MAST2: variants seen among roughly 807,000 people sequenced by gnomAD.
MAST2 encodes the protein microtubule associated serine/threonine kinase 2, also known as microtubule-associated serine/threonine-protein kinase 2.
A neutral mutation model predicts 147.4 loss-of-function variants in MAST2; 70 were observed. The observed-to-expected ratio is 0.47, with a 90% CI of 0.39 to 0.58. The LOEUF is 0.58. Among genes scored for constraint, MAST2 ranks in the 20% least tolerant of loss-of-function variants. MAST2 has a pLI of 0.00. For synonymous variants in MAST2, 869 were observed against 896.8 expected (o/e 0.97, Z 0.55); for missense variants, 2,080 against 2,302.3 (o/e 0.90, Z 1.98).
chr1:45,917,020 G>T (rs576079212), intron 4 of MAST2, among the ~76,000 whole-genome samples: 66 of 152,352 alleles, frequency 4.3e-4, no homozygotes, highest in Admixed American at 4.3e-3. Flanking sequence ...AGAGGTTGCA[G>T]TGAGCCAAGA....
In MAST2 at chr1:46,034,046, C is replaced by T. The variant is rs776578291; in HGVS notation, c.3675-27C>T. On this transcript the variant is annotated intron_variant, in intron 27 of 28. Transcript: ENST00000361297. ...GTGTGTGCTGTGCTCACTGCACCGA[C>T]TCAGCCTTTGACCCTTATCCCCGCA... 5 of 1,609,228 alleles carry T rather than the reference C, an allele frequency of 3.1e-6. No individual in the cohort carries two copies. The South Asian group carries it at 4.4e-5, about 14-fold the overall frequency.
chr1:45,893,657 TTC>T (rs1648240559), intron 4 of MAST2, among the ~76,000 whole-genome samples: 1 of 151,312 alleles, frequency 6.6e-6, no homozygotes, highest in African/African-American at 2.4e-5. Flanking sequence ...TCTGGCAGAG[TTC>T]TGTCAGGACT....
At chr1:45,855,750 A>T (rs1326542713) in intron 3 of MAST2, among the ~76,000 whole-genome samples, 1 of 152,094 alleles carries the variant, frequency 6.6e-6, no homozygotes, top group Non-Finnish European at 1.5e-5. Context: ...TTTCTTGTAG[A>T]TTGAGCATTT....
chr1:45,976,828 C>A (rs186994676), intron 5 of MAST2, among the ~76,000 whole-genome samples: 3 of 152,072 alleles, frequency 2.0e-5, no homozygotes, highest in African/African-American at 7.2e-5. Flanking sequence ...TCTTCAGATT[C>A]CCTGAGTGAT....
At chr1:45,882,013 A>T (rs1290394601) in intron 3 of MAST2, among the ~76,000 whole-genome samples, 7 of 26,492 alleles carry the variant, frequency 2.6e-4, no homozygotes, top group Admixed American at 5.4e-4. Context: ...CGTCTCTACT[A>T]AAAAAAAAAA....
chr1:45,986,138 C>T (rs1308590377), intron 5 of MAST2, among the ~76,000 whole-genome samples: 1 of 152,172 alleles, frequency 6.6e-6, no homozygotes, highest in African/African-American at 2.4e-5. Context: ...TTTGTCTTTA[C>T]TATTAACTGT....
chr1:45,867,174 A>G (rs1209129916), intron 3 of MAST2, among the ~76,000 whole-genome samples: 1 of 152,266 alleles, frequency 6.6e-6, no homozygotes, highest in African/African-American at 2.4e-5. Flanking sequence ...AAATAGTTAC[A>G]TTATAATATA....
chr1:45,967,326 T>C (rs902308888), intron 5 of MAST2, among the ~76,000 whole-genome samples: 10 of 152,068 alleles, frequency 6.6e-5, no homozygotes, highest in African/African-American at 2.4e-4. Flanking sequence ...TGGCTCAGCC[T>C]ACCAAAGTGC....
At chr1:45,997,260 C>T (rs185655279) in intron 5 of MAST2, among the ~76,000 whole-genome samples, 223 of 152,250 alleles carry the variant, frequency 1.5e-3, no homozygotes, top group Non-Finnish European at 2.4e-3. Flanking sequence ...TTCTCTTTCC[C>T]CTTAAAACAC....
At chr1:45,883,869 T>G (rs1308911310) in intron 4 of MAST2, among the ~76,000 whole-genome samples, 2 of 121,266 alleles carry the variant, frequency 1.6e-5, no homozygotes, top group Non-Finnish European at 3.3e-5. Flanking sequence ...TTCAGCATCA[T>G]AGTCAGGAAA....
At chr1:45,982,559 C>T (rs1644453865) in intron 5 of MAST2, among the ~76,000 whole-genome samples, 1 of 152,216 alleles carries the variant, frequency 6.6e-6, no homozygotes, top group Non-Finnish European at 1.5e-5. Context: ...GGGTGACACT[C>T]CCGGATTCCA....
intron 4 of MAST2, among the ~76,000 whole-genome samples, chr1:45,931,382 T>TTTG (rs1655274932): frequency 6.8e-6 from 1 of 146,282 alleles, no homozygotes; most frequent in Non-Finnish European, 1.5e-5. Flanking sequence ...GTTCTGTTTT[T>TTTG]TTTTTTTTTT....
Position 46,028,887 on chromosome 1 carries a change from T to C in MAST2, c.2172T>C (p.Pro724=). ...ILYEFLVGCV[P]FFGDTPEELF... ...ATGAGTTCCTGGTGGGCTGCGTCCCTTTTTTTGGAGATACTCCGGAGGAGC... is the reference window on the plus strand; with the variant it reads ...ATGAGTTCCTGGTGGGCTGCGTCCCCTTTTTTGGAGATACTCCGGAGGAGC... Residue 724 remains proline, a synonymous_variant, in exon 18 of 29, where the codon CCT becomes CCC. Transcript: ENST00000361297. 6.2e-7 allele frequency: 1 copy of C among 1,609,564 alleles called. No individual in the cohort carries two copies. The highest frequency in any genetic ancestry group is 8.5e-7 in the Non-Finnish European group (1 of 1,178,104).
chr1:45,820,090 A>G (rs1644574356), intron 1 of MAST2, among the ~76,000 whole-genome samples: 1 of 152,230 alleles, frequency 6.6e-6, no homozygotes, highest in East Asian at 1.9e-4. Flanking sequence ...ATACTTTGGT[A>G]AAAGGACAGT....
At position 45,986,716 on chromosome 1, in the gene MAST2, CA is replaced by C. The variant is rs201589013; in HGVS notation, c.593-10987del. Among the ~76,000 whole-genome samples, 1,187 of 120,060 alleles carry C rather than the reference CA, an allele frequency of 9.9e-3. 7 individuals are homozygous for C. Among genetic ancestry groups the C allele is most frequent in the African/African-American group, 0.027 (845 of 31,126 alleles). The allele number at this position is 120,060 out of a possible 152,430, so 78.8% of individuals were successfully genotyped here. A position where few individuals can be genotyped will look rare whatever the true frequency, so the allele number is the denominator to read the frequency against. On this transcript the variant is annotated intron_variant, in intron 5 of 28. Transcript: ENST00000361297. ...TGGGCGACACAGAGAGACTCCGTCTCAAAAAAAAAAAAAAAAAAAAAGAATA... is the reference window on the plus strand; with the variant it reads ...TGGGCGACACAGAGAGACTCCGTCTCAAAAAAAAAAAAAAAAAAAAGAATA...
In MAST2 at chr1:45,820,893, C is replaced by CTTTTTTT. The variant is rs769508054; in HGVS notation, c.178-3522_178-3516dup. On this transcript the variant is annotated intron_variant, in intron 1 of 28. Transcript: ENST00000361297. ...TCGATTTCAATTTCTCTTTCTTTCT[C>CTTTTTTT]TTTTTTTTTTTTTTTTTTTTTTTTG... Among the ~76,000 whole-genome samples the CTTTTTTT allele has an allele frequency of 6.5e-3, 280 of 43,060 alleles. 1 individual carries two copies. The highest frequency in any genetic ancestry group is 8.3e-3 in the Non-Finnish European group (201 of 24,342). The allele number at this position is 43,060 out of a possible 152,430, so 28.2% of individuals were successfully genotyped here.
chr1:46,018,200 C>T (rs997835386), intron 10 of MAST2, among the ~76,000 whole-genome samples: 14 of 152,270 alleles, frequency 9.2e-5, no homozygotes, highest in African/African-American at 2.4e-4. Flanking sequence ...GGGCACCATC[C>T]GGCATGCCTG....
intron 3 of MAST2, among the ~76,000 whole-genome samples, chr1:45,880,609 T>C (rs1407672925): frequency 6.6e-6 from 1 of 152,108 alleles, no homozygotes; most frequent in African/African-American, 2.4e-5. Flanking sequence ...AGAATTGCAA[T>C]CAAATACTGA....
At chr1:45,935,248 G>C (rs890090420) in intron 4 of MAST2, among the ~76,000 whole-genome samples, 2 of 152,038 alleles carry the variant, frequency 1.3e-5, no homozygotes, top group Admixed American at 1.3e-4. Flanking sequence ...GGGGTTATTT[G>C]TTTTTTGCTT....
Sources: allele counts gnomAD v4.1 joint callset (sites outside exome capture counted in the v4.1 genomes callset), GRCh38; gene constraint gnomAD v4.1.1; transcripts MANE v1.5; gene names NCBI Gene and HGNC (gene_info 2026-07-23, HGNC 2026-07-21).